The following MME variants were observed in gnomAD, a reference collection of about 807,000 sequenced individuals.
The protein encoded by MME is membrane metalloendopeptidase.
MME carries 98 observed loss-of-function variants against 113.2 expected under a neutral mutation model. That is an observed-to-expected ratio of 0.87 (90% CI 0.74 to 1.02). MME has a LOEUF of 1.02. Ranked by LOEUF, MME falls within the 50% of genes least tolerant of loss-of-function variation. The pLI is 0.00. For synonymous variants in MME, 292 were observed against 300.6 expected (o/e 0.97, Z 0.30); for missense variants, 836 against 896.0 (o/e 0.93, Z 0.86).
At chr3:155,035,895 T>C (rs1485517292) in intron 1 of MME, among the ~76,000 whole-genome samples, 1 of 152,110 alleles carries the variant, frequency 6.6e-6, no homozygotes, top group Non-Finnish European at 1.5e-5. Context: ...ACTTGGCTGC[T>C]GTTGAGAAAA....
chr3:155,155,336 A>G (rs1343340290), intron 16 of MME, among the ~76,000 whole-genome samples: 1 of 152,228 alleles, frequency 6.6e-6, no homozygotes, highest in African/African-American at 2.4e-5. Flanking sequence ...AGAACTTTGC[A>G]AAAGAATTCT....
intron 1 of MME, among the ~76,000 whole-genome samples, chr3:155,056,522 G>A (rs546608023): frequency 6.8e-6 from 1 of 147,644 alleles, no homozygotes; most frequent in East Asian, 1.9e-4. Flanking sequence ...ATTTTTTATG[G>A]CTGCATAGTA....
intron 1 of MME, among the ~76,000 whole-genome samples, chr3:155,048,618 G>A (rs368859747): frequency 4.7e-4 from 72 of 152,076 alleles, no homozygotes; most frequent in African/African-American, 5.3e-4. Flanking sequence ...CCTGCATACC[G>A]TTTTTTTACA....
chr3:155,168,660 C>A (rs757966784), intron 19 of MME, 35 bp downstream of exon 19: 1 of 1,613,398 alleles, frequency 6.2e-7, no homozygotes, highest in Non-Finnish European at 8.5e-7. Flanking sequence ...AAGTTTTAGA[C>A]ATGTTCAATC....
At chr3:155,052,562 T>A (rs577800426) in intron 1 of MME, among the ~76,000 whole-genome samples, 1 of 152,348 alleles carries the variant, frequency 6.6e-6, no homozygotes, top group African/African-American at 2.4e-5. Context: ...TCTTGGCCCC[T>A]TTTAGCCACA....
intron 1 of MME, among the ~76,000 whole-genome samples, chr3:155,030,545 C>T (rs1428560433): frequency 6.6e-6 from 1 of 152,062 alleles, no homozygotes; most frequent in Non-Finnish European, 1.5e-5. Context: ...TGCCTGAAGT[C>T]CTATCTTTTA....
intron 1 of MME, among the ~76,000 whole-genome samples, chr3:155,049,134 A>T (rs1410200711): frequency 6.6e-6 from 1 of 151,920 alleles, no homozygotes; most frequent in Non-Finnish European, 1.5e-5. Context: ...CAGATCTCTC[A>T]TGTATGTATA....
intron 1 of MME, among the ~76,000 whole-genome samples, chr3:155,068,343 C>G (rs939349809): frequency 6.6e-6 from 1 of 152,064 alleles, no homozygotes; most frequent in African/African-American, 2.4e-5. Context: ...TAGAAGGTGA[C>G]GGATAACTTT....
At chr3:155,167,224 T>A (rs1723167750) in intron 18 of MME, among the ~76,000 whole-genome samples, 1 of 152,204 alleles carries the variant, frequency 6.6e-6, no homozygotes, top group Non-Finnish European at 1.5e-5. Context: ...ATGTGTGCTT[T>A]ACACTCTGGC....
Position 155,118,738 on chromosome 3 carries a change from T to C in MME, c.655-8T>C. ...TGATTTATTTTCTTTTATGTATATT[T>C]TTTATAGATTGACCAACCTCGACTT... On this transcript the variant is annotated splice_region_variant and splice_polypyrimidine_tract_variant and intron_variant, in intron 7 of 22. Coordinates refer to ENST00000360490, the MANE Select transcript of MME (RefSeq NM_007289.4). 1 of 1,552,994 alleles carries C rather than the reference T, an allele frequency of 6.4e-7. No individual in the cohort carries two copies. Among genetic ancestry groups the C allele is most frequent in the African/African-American group, 1.4e-5 (1 of 73,260 alleles).
chr3:155,042,900 T>TATATA (rs1713382308), intron 1 of MME, among the ~76,000 whole-genome samples: 2 of 62,958 alleles, frequency 3.2e-5, no homozygotes, highest in Non-Finnish European at 5.8e-5. Context: ...ATAGTAGGTT[T>TATATA]TATATATATA....
intron 3 of MME, among the ~76,000 whole-genome samples, chr3:155,102,140 G>T (rs1455677019): frequency 1.3e-5 from 2 of 152,092 alleles, no homozygotes; most frequent in African/African-American, 4.8e-5. Flanking sequence ...TTTATTCAGG[G>T]ATAGTAACAG....
intron 1 of MME, among the ~76,000 whole-genome samples, chr3:155,071,515 G>C (rs41515653): frequency 0.03 from 4,525 of 152,316 alleles, 107 homozygotes; most frequent in South Asian, 0.099. Flanking sequence ...TAATATTTCT[G>C]AGTCGTATTT....
intron 3 of MME, among the ~76,000 whole-genome samples, chr3:155,093,615 T>C (rs1716478761): frequency 6.6e-6 from 1 of 152,076 alleles, no homozygotes; most frequent in Non-Finnish European, 1.5e-5. Context: ...CCCAGCACTT[T>C]GGGAGGCCGA....
At position 155,085,100 on chromosome 3, in the gene MME, A is replaced by G. The variant is rs1362767106; in HGVS notation, c.196+6A>G. The G allele has an allele frequency of 6.4e-7, 1 of 1,571,826 alleles. No individual in the cohort carries two copies. Among genetic ancestry groups the G allele is most frequent in the Non-Finnish European group, 8.7e-7 (1 of 1,146,124 alleles). ...ATCAGACTGCATAAAATCAGGTAAG[A>G]AATGGTTTTTACGTGTAATAGTTAT... On this transcript the variant is annotated splice_donor_region_variant and intron_variant, in intron 3 of 22. Transcript: ENST00000360490.
At chr3:155,138,385 G>T in intron 9 of MME, 149 bp downstream of exon 9, 2 of 762,806 alleles carry the variant, frequency 2.6e-6, no homozygotes, top group Non-Finnish European at 2.1e-6. Context: ...GACTTCAAAA[G>T]GACCTTTGAA....
intron 16 of MME, among the ~76,000 whole-genome samples, chr3:155,159,259 A>C (rs769165373): frequency 8.5e-5 from 13 of 152,078 alleles, no homozygotes; most frequent in Non-Finnish European, 1.8e-4. Flanking sequence ...AACAGTTCTG[A>C]TGTAACCTAA....
Position 155,045,977 on chromosome 3 carries a change from C to A in MME, c.-11+21653C>A, listed in dbSNP as rs1368045528. ...CTCTGTGATATTCTTTGAGTTCATC[C>A]TATTTGGAGTTTGCTGAGCTTCTAC... On this transcript the variant is annotated intron_variant, in intron 1 of 22. Transcript: ENST00000492661. 2.0e-5 allele frequency among the ~76,000 whole-genome samples: 3 copies of A among 152,094 alleles called. No homozygotes were observed. The East Asian group carries it at 5.8e-4, about 29-fold the overall frequency.
intron 8 of MME, among the ~76,000 whole-genome samples, chr3:155,128,532 G>T (rs1719875432): frequency 6.6e-6 from 1 of 152,042 alleles, no homozygotes; most frequent in African/African-American, 2.4e-5. Flanking sequence ...TGTATCATTG[G>T]CCTTCAATGA....
Sources: allele counts gnomAD v4.1 joint callset (sites outside exome capture counted in the v4.1 genomes callset), GRCh38; gene constraint gnomAD v4.1.1; transcripts MANE v1.5; gene names NCBI Gene and HGNC (gene_info 2026-07-23, HGNC 2026-07-21).